The following UBE2K variants were observed in gnomAD, a reference collection of about 807,000 sequenced individuals.
The protein encoded by UBE2K is ubiquitin conjugating enzyme E2 K.
Under a neutral mutation model 30.0 loss-of-function variants are expected in UBE2K, and 6 were observed. The observed-to-expected ratio is 0.20, with a 90% CI of 0.11 to 0.39. The LOEUF is 0.39. Among genes scored for constraint, UBE2K ranks in the 10% least tolerant of loss-of-function variants. The pLI, the probability that UBE2K is intolerant of heterozygous loss-of-function variation, is 1.00. For missense variants in UBE2K, 61 were observed against 241.6 expected (o/e 0.25, Z 4.96); for synonymous variants, 86 against 83.7 (o/e 1.03, Z -0.15).
chr4:39,770,791 C>A, intron 4 of UBE2K: 1 of 1,570,306 alleles, frequency 6.4e-7, no homozygotes, highest in Non-Finnish European at 8.6e-7. Flanking sequence ...TGTGCGATGT[C>A]CAGGGCCGAC....
At chr4:39,758,811 G>C (rs1418806442) in intron 4 of UBE2K, among the ~76,000 whole-genome samples, 1 of 152,100 alleles carries the variant, frequency 6.6e-6, no homozygotes, top group Non-Finnish European at 1.5e-5. Flanking sequence ...AAAGATTATG[G>C]TGTGTATATA....
chr4:39,720,914 T>C (rs528996389), intron 1 of UBE2K, among the ~76,000 whole-genome samples: 9 of 152,228 alleles, frequency 5.9e-5, no homozygotes, highest in African/African-American at 2.2e-4. Context: ...CAGTTAATTA[T>C]TTTTAAATTA....
chr4:39,777,427 A>G (rs754511102), intron 5 of UBE2K, among the ~76,000 whole-genome samples: 60 of 152,288 alleles, frequency 3.9e-4, no homozygotes, highest in Non-Finnish European at 6.8e-4. Context: ...CTTGCTAGTT[A>G]TATTTGTTGA....
intron 4 of UBE2K, among the ~76,000 whole-genome samples, chr4:39,757,014 T>G (rs1430728154): frequency 4.9e-5 from 5 of 101,928 alleles, no homozygotes; most frequent in African/African-American, 1.6e-4. Context: ...TTTTTTTGTT[T>G]TTTGTTTTTT....
chr4:39,770,417 C>T, intron 4 of UBE2K: 1 of 1,612,742 alleles, frequency 6.2e-7, no homozygotes, highest in Non-Finnish European at 8.5e-7. Flanking sequence ...TGTGGAAGAC[C>T]AGCTTCTCCA....
chr4:39,704,196 C>T (rs944654391), intron 1 of UBE2K, among the ~76,000 whole-genome samples: 5 of 151,822 alleles, frequency 3.3e-5, no homozygotes, highest in Admixed American at 2.0e-4. Flanking sequence ...GTCGAGGCTG[C>T]AGTGAGCGGT....
intron 1 of UBE2K, among the ~76,000 whole-genome samples, chr4:39,724,787 C>G (rs1159606615): frequency 1.3e-5 from 2 of 150,400 alleles, no homozygotes; most frequent in Non-Finnish European, 3.0e-5. Context: ...AAAAAAAATG[C>G]TGGGCATGTT....
At chr4:39,711,102 G>GT (rs1200328941) in intron 1 of UBE2K, among the ~76,000 whole-genome samples, 12 of 141,000 alleles carry the variant, frequency 8.5e-5, no homozygotes, top group South Asian at 4.5e-4. Context: ...TTTTTTTAAA[G>GT]TTTTTTTTAA....
chr4:39,770,448 C>T (rs1342801018), intron 4 of UBE2K: 3 of 1,611,716 alleles, frequency 1.9e-6, no homozygotes, highest in East Asian at 4.5e-5. Flanking sequence ...CACTTCCGGG[C>T]ACTTGGTGCA....
At chr4:39,722,799 C>CT (rs58965981) in intron 1 of UBE2K, among the ~76,000 whole-genome samples, 16,132 of 100,064 alleles carry the variant, frequency 0.16, 1,153 homozygotes, top group East Asian at 0.29. Flanking sequence ...CTTTTTCTCT[C>CT]TTTTTTTTTT....
intron 4 of UBE2K, 47 bp from the exon 5 acceptor site, chr4:39,774,787 C>T (rs370784721): frequency 4.7e-5 from 57 of 1,222,614 alleles, no homozygotes; most frequent in Non-Finnish European, 6.2e-5. Context: ...TTTGCTTTTG[C>T]CTGCAGAGCC....
intron 4 of UBE2K, among the ~76,000 whole-genome samples, chr4:39,756,806 G>A (rs1476736076): frequency 2.0e-5 from 3 of 152,094 alleles, no homozygotes; most frequent in Non-Finnish European, 4.4e-5. Context: ...TCAATTAAGT[G>A]AGTGTCTATT....
chr4:39,770,147 G>A (rs370689881), intron 4 of UBE2K: 7 of 1,602,718 alleles, frequency 4.4e-6, no homozygotes, highest in Non-Finnish European at 5.1e-6. Flanking sequence ...TGGTCTTGCC[G>A]TGTTGCTCCT....
chr4:39,726,364 G>T (rs1423347052), intron 1 of UBE2K, among the ~76,000 whole-genome samples: 1 of 151,956 alleles, frequency 6.6e-6, no homozygotes, highest in African/African-American at 2.4e-5. Context: ...TAGCATAATA[G>T]ATATCATCAC....
intron 4 of UBE2K, 22 bp from the exon 5 acceptor site, chr4:39,774,812 A>C (rs372856809): frequency 1.9e-4 from 274 of 1,438,502 alleles, no homozygotes; most frequent in Non-Finnish European, 4.6e-5. Flanking sequence ...TAATTGGGAT[A>C]TTTTCATGTT....
chr4:39,708,697 A>G (rs1271354430), intron 1 of UBE2K, among the ~76,000 whole-genome samples: 2 of 152,116 alleles, frequency 1.3e-5, no homozygotes, highest in Non-Finnish European at 2.9e-5. Flanking sequence ...AAACAGATCT[A>G]GGCCAAACTT....
At chr4:39,711,384 G>A (rs1278794587) in intron 1 of UBE2K, among the ~76,000 whole-genome samples, 6 of 151,404 alleles carry the variant, frequency 4.0e-5, no homozygotes, top group African/African-American at 9.7e-5. Flanking sequence ...GGATGGTCTC[G>A]ATCTCCTGAC....
intron 1 of UBE2K, among the ~76,000 whole-genome samples, chr4:39,719,536 G>T (rs987018073): frequency 1.3e-5 from 2 of 152,164 alleles, no homozygotes; most frequent in East Asian, 3.8e-4. Flanking sequence ...TAGGACATAG[G>T]TTTAGGGCAG....
At chr4:39,766,326 A>T (rs796526358) in intron 4 of UBE2K, among the ~76,000 whole-genome samples, 38 of 152,170 alleles carry the variant, frequency 2.5e-4, no homozygotes, top group African/African-American at 8.7e-4. Context: ...TAGCCATTCT[A>T]ATGGATATGA....
Sources: gnomAD v4.1 joint callset for allele counts (sites outside exome capture counted in the v4.1 genomes callset) on GRCh38, gnomAD v4.1.1 for gene constraint, MANE v1.5 for transcripts, NCBI Gene and HGNC (gene_info 2026-07-23, HGNC 2026-07-21) for gene names.